Variants in SDK1 observed in about 807,000 individuals in gnomAD.
SDK1 encodes the protein sidekick cell adhesion molecule 1, also known as protein sidekick-1.
SDK1 carries 157 observed loss-of-function variants against 245.5 expected under a neutral mutation model. That is an observed-to-expected ratio of 0.64 (90% CI 0.56 to 0.73). The LOEUF (loss-of-function observed/expected upper bound fraction) is 0.73, where lower values mean the gene tolerates loss of function less well. Ranked by LOEUF, SDK1 falls within the 30% of genes least tolerant of loss-of-function variation. The pLI is 0.00. For synonymous variants in SDK1, 1,647 were observed against 1,278.5 expected (o/e 1.29, Z -6.15); for missense variants, 3,583 against 3,002.3 (o/e 1.19, Z -4.52).
rs186341550 is a variant in SDK1 at position 3,627,535 on chromosome 7, A to G, written c.458+8296A>G. Reference sequence around the variant, plus strand: ...GCATGTTTCCGTGGTAGAAAGGTCAAATATAAGCATCCAGTCCCAAGTGGC... The same window carrying G: ...GCATGTTTCCGTGGTAGAAAGGTCAGATATAAGCATCCAGTCCCAAGTGGC... On this transcript the variant is annotated intron_variant, in intron 2 of 44. Transcript: ENST00000404826. Among the ~76,000 whole-genome samples, 437 of 152,306 alleles carry G rather than the reference A, an allele frequency of 2.9e-3. 1 individual carries two copies. The highest frequency in any genetic ancestry group is 4.6e-3 in the Non-Finnish European group (313 of 68,020).
chr7:4,012,282 G>C (rs370896234), intron 16 of SDK1, 47 bp downstream of exon 16: 1 of 1,432,990 alleles, frequency 7.0e-7, no homozygotes, highest in Non-Finnish European at 9.2e-7. Context: ...TTAGAGTTGA[G>C]CGTCGATTTC....
At chr7:3,382,404 T>A (rs1002733981) in intron 1 of SDK1, among the ~76,000 whole-genome samples, 1 of 152,184 alleles carries the variant, frequency 6.6e-6, no homozygotes, top group Non-Finnish European at 1.5e-5. Context: ...CAGCTGCTGT[T>A]CTGTGGATTG....
chr7:3,509,431 A>G (rs1346300689), intron 1 of SDK1, among the ~76,000 whole-genome samples: 1 of 152,174 alleles, frequency 6.6e-6, no homozygotes, highest in African/African-American at 2.4e-5. Context: ...GGGTAATGAT[A>G]ATACACACCT....
chr7:4,076,869 T>C, intron 20 of SDK1, 129 bp from the exon 21 acceptor site: 1 of 742,920 alleles, frequency 1.3e-6, no homozygotes, highest in Non-Finnish European at 2.2e-6. Context: ...GCACAGTGGC[T>C]CTAAGCTGCC....
At chr7:3,814,949 T>C (rs908757166) in intron 4 of SDK1, among the ~76,000 whole-genome samples, 1 of 152,016 alleles carries the variant, frequency 6.6e-6, no homozygotes, top group African/African-American at 2.4e-5. Context: ...CTTGTGATTT[T>C]TGTACATCGA....
rs549339715 is a variant in SDK1 at position 4,208,236 on chromosome 7, C to A, written c.5352C>A (p.Ala1784=). ...TCAGCATATCAGCCTTCAACGCCGC[C>A]GGAGATGGACCTAAGAGTGACCCCC... The part of the protein sequence containing the change: ...YLVSISAFNA[A]GDGPKSDPQQ... The change falls in exon 37 of 45, where the codon GCC becomes GCA. Residue 1784 remains alanine, a synonymous_variant. Transcript: ENST00000404826. 1.9e-6 allele frequency: 3 copies of A among 1,614,012 alleles called. No individual in the cohort carries two copies. The highest frequency in any genetic ancestry group is 1.7e-4 in the Middle Eastern group (1 of 5,986).
At chr7:3,450,872 A>C (rs1268302150) in intron 1 of SDK1, among the ~76,000 whole-genome samples, 4 of 152,184 alleles carry the variant, frequency 2.6e-5, no homozygotes, top group Non-Finnish European at 5.9e-5. Context: ...GAAGACACTG[A>C]GAAGGAATGG....
chr7:4,042,579 C>T (rs1020559793), intron 17 of SDK1, among the ~76,000 whole-genome samples: 1 of 96,044 alleles, frequency 1.0e-5, no homozygotes, highest in Non-Finnish European at 2.0e-5. Flanking sequence ...TACCAGCCTG[C>T]CTCCAGGCCT....
At chr7:3,861,221 C>G (rs939972396) in intron 5 of SDK1, among the ~76,000 whole-genome samples, 2 of 152,142 alleles carry the variant, frequency 1.3e-5, no homozygotes, top group Admixed American at 6.5e-5. Context: ...TATTATGTAG[C>G]TAGGATGCAA....
chr7:3,349,843 C>G lies in SDK1; in HGVS notation c.298+47959C>G, dbSNP rs546848606. Among the ~76,000 whole-genome samples, 171 of 152,262 alleles carry G rather than the reference C, an allele frequency of 1.1e-3. 2 individuals are homozygous for G. The highest frequency in any genetic ancestry group is 3.9e-3 in the African/African-American group (163 of 41,556). The stretch of plus-strand genomic sequence containing the variant: ...GGTCTCGATCTCCTGACCTCATTAT[C>G]TGCCCGCCTCGGCCTCCCAAAGTGC... On this transcript the variant is annotated intron_variant, in intron 1 of 44. Coordinates refer to ENST00000404826, the MANE Select transcript of SDK1 (RefSeq NM_152744.4).
In SDK1 at chr7:4,104,294, C is replaced by G. The variant is rs368113438; in HGVS notation, c.3325-6369C>G. On this transcript the variant is annotated intron_variant, in intron 22 of 44. Coordinates refer to ENST00000404826, the MANE Select transcript of SDK1 (RefSeq NM_152744.4). The stretch of plus-strand genomic sequence containing the variant: ...CAGGCTGGTCTCGAAGTCCTGGACT[C>G]AAGCAAACCTCCCGCTTTGGCCTCC... Among the ~76,000 whole-genome samples, 13 of 152,250 alleles carry G rather than the reference C, an allele frequency of 8.5e-5. No individual in the cohort carries two copies. In the East Asian group the frequency reaches 1.9e-3, roughly 23 times the overall value.
At chr7:4,099,841 TA>T (rs1246979971) in intron 22 of SDK1, among the ~76,000 whole-genome samples, 2 of 151,672 alleles carry the variant, frequency 1.3e-5, no homozygotes, top group Non-Finnish European at 2.9e-5. Context: ...TGTTTTTATC[TA>T]AAAGCACCCC....
At chr7:3,587,911 C>G (rs955466623) in intron 1 of SDK1, among the ~76,000 whole-genome samples, 5 of 152,240 alleles carry the variant, frequency 3.3e-5, no homozygotes, top group Admixed American at 6.5e-5. Context: ...CTTCCATGTA[C>G]TAAATGTTCA....
chr7:3,833,546 C>T (rs1779961826), intron 5 of SDK1, among the ~76,000 whole-genome samples: 1 of 152,122 alleles, frequency 6.6e-6, no homozygotes, highest in South Asian at 2.1e-4. Flanking sequence ...TTATATATAT[C>T]AGAGACTTAT....
chr7:4,049,214 C>G (rs2128165665), intron 17 of SDK1, 134 bp from the exon 18 acceptor site: 1 of 635,778 alleles, frequency 1.6e-6, no homozygotes, highest in East Asian at 2.8e-5. Context: ...CCAAAACATT[C>G]ATCACACTTC....
At chr7:3,955,555 C>T (rs969650692) in intron 7 of SDK1, among the ~76,000 whole-genome samples, 1 of 152,154 alleles carries the variant, frequency 6.6e-6, no homozygotes, top group Admixed American at 6.5e-5. Context: ...CCGTTCTGTC[C>T]ACCTCGGTGG....
At chr7:3,640,777 A>G (rs1462027272) in intron 3 of SDK1, among the ~76,000 whole-genome samples, 1 of 151,532 alleles carries the variant, frequency 6.6e-6, no homozygotes, top group East Asian at 1.9e-4. Context: ...TCCGCCTCCT[A>G]GGTTCAAGTG....
chr7:3,832,938 T>G (rs879741963), intron 5 of SDK1, among the ~76,000 whole-genome samples: 1 of 152,062 alleles, frequency 6.6e-6, no homozygotes, highest in Non-Finnish European at 1.5e-5. Flanking sequence ...TAAACTGTTA[T>G]TTTGCCCAGG....
At chr7:3,931,523 C>T (rs1185856451) in intron 5 of SDK1, among the ~76,000 whole-genome samples, 3 of 152,184 alleles carry the variant, frequency 2.0e-5, no homozygotes, top group African/African-American at 4.8e-5. Flanking sequence ...TAAACAACTG[C>T]GTAGCTAACC....
Sources: gnomAD v4.1 joint callset for allele counts (sites outside exome capture counted in the v4.1 genomes callset) on GRCh38, gnomAD v4.1.1 for gene constraint, MANE v1.5 for transcripts, NCBI Gene and HGNC (gene_info 2026-07-23, HGNC 2026-07-21) for gene names.